The following TMX3 variants were observed in gnomAD, a reference collection of about 807,000 sequenced individuals.
The protein encoded by TMX3 is protein disulfide-isomerase TMX3.
A neutral mutation model predicts 64.4 loss-of-function variants in TMX3; 40 were observed. The ratio of observed to expected loss-of-function variants is 0.62; its 90% CI spans 0.48 to 0.81. The LOEUF (loss-of-function observed/expected upper bound fraction) is 0.81, where lower values mean the gene tolerates loss of function less well. Among genes scored for constraint, TMX3 ranks in the 30% least tolerant of loss-of-function variants. The probability of loss-of-function intolerance (pLI) is 0.00; values close to 1 mark genes in which losing one functional copy is unlikely to be tolerated. For missense variants in TMX3, 497 were observed against 534.5 expected, an observed-to-expected ratio of 0.93 and a Z score of 0.69; for synonymous variants, 189 against 175.7, an observed-to-expected ratio of 1.08 and a Z score of -0.60.
chr18:68,699,503 T>C (rs916350940), intron 6 of TMX3, among the ~76,000 whole-genome samples: 2 of 152,150 alleles, frequency 1.3e-5, no homozygotes. Flanking sequence ...CTTTAATATA[T>C]AAAGATCACT....
In TMX3 at chr18:68,691,538, G is replaced by C. The variant is rs548432205; in HGVS notation, c.571-177C>G. 7.2e-5 allele frequency among the ~76,000 whole-genome samples: 11 copies of C among 152,268 alleles called. No homozygotes were observed. In the South Asian group the frequency reaches 2.3e-3, roughly 32 times the overall value. ...CCAAACTCATCCAAGAAGTATATCTGAATCTTTTTATATATCCCCTTGTAC... is the reference window on the plus strand; with the variant it reads ...CCAAACTCATCCAAGAAGTATATCTCAATCTTTTTATATATCCCCTTGTAC... On this transcript the variant is annotated intron_variant, in intron 8 of 15. Coordinates refer to ENST00000299608, the MANE Select transcript of TMX3 (RefSeq NM_019022.5).
rs1599299429 is a variant in TMX3 at position 68,682,992 on chromosome 18, C to A, written c.849-11G>T. 3 of 1,607,788 alleles carry A rather than the reference C, an allele frequency of 1.9e-6. No homozygotes were observed. Among genetic ancestry groups the A allele is most frequent in the Non-Finnish European group, 2.6e-6 (3 of 1,176,366 alleles). On this transcript the variant is annotated splice_polypyrimidine_tract_variant and intron_variant, in intron 12 of 15. Transcript: ENST00000299608. ...CCAAACTGAAAATCCCTAACCACCA[C>A]CAACCAAAAATAAATAAATAAAAGG...
intron 4 of TMX3, among the ~76,000 whole-genome samples, chr18:68,709,146 T>C (rs1393233162): frequency 6.6e-6 from 1 of 152,112 alleles, no homozygotes; most frequent in African/African-American, 2.4e-5. Context: ...TAATTAAGTA[T>C]TTATCAATAT....
chr18:68,709,580 T>TA (rs1484191059), intron 4 of TMX3, among the ~76,000 whole-genome samples: 2 of 152,156 alleles, frequency 1.3e-5, no homozygotes, highest in Non-Finnish European at 2.9e-5. Flanking sequence ...CACACTCTAT[T>TA]ATTTTGCTCT....
intron 6 of TMX3, among the ~76,000 whole-genome samples, chr18:68,699,064 T>C (rs1403332033): frequency 6.6e-6 from 1 of 152,048 alleles, no homozygotes; most frequent in Non-Finnish European, 1.5e-5. Context: ...AGTCATCTTT[T>C]ACATATGGTG....
chr18:68,702,915 G>A (rs1273509048), intron 4 of TMX3, among the ~76,000 whole-genome samples: 1 of 152,156 alleles, frequency 6.6e-6, no homozygotes, highest in East Asian at 1.9e-4. Flanking sequence ...TAAATAGAGG[G>A]ACCTGGACAG....
intron 8 of TMX3, among the ~76,000 whole-genome samples, chr18:68,693,706 C>T (rs981492353): frequency 3.3e-5 from 5 of 152,042 alleles, no homozygotes; most frequent in Non-Finnish European, 5.9e-5. Flanking sequence ...ATGATGATGA[C>T]GGCGGGAGTC....
At chr18:68,704,587 AACTC>A (rs2030477679) in intron 4 of TMX3, among the ~76,000 whole-genome samples, 2 of 152,188 alleles carry the variant, frequency 1.3e-5, no homozygotes, top group African/African-American at 4.8e-5. Flanking sequence ...CTGAGATTGA[AACTC>A]AGTCTAATTG....
intron 13 of TMX3, chr18:68,681,651 G>A (rs1204080962): frequency 3.0e-6 from 3 of 984,650 alleles, no homozygotes; most frequent in East Asian, 2.3e-4. Flanking sequence ...TCCCTTCCTC[G>A]CTCAGTGTTC....
chr18:68,679,553 A>G (rs1198775197), intron 14 of TMX3, 22 bp from the exon 15 acceptor site: 1 of 1,601,486 alleles, frequency 6.2e-7, no homozygotes, highest in Non-Finnish European at 8.5e-7. Flanking sequence ...GAAAAGAAAA[A>G]TAAATTATTT....
chr18:68,682,057 C>T (rs926524374), intron 13 of TMX3, among the ~76,000 whole-genome samples: 16 of 152,070 alleles, frequency 1.1e-4, no homozygotes, highest in East Asian at 1.9e-4. Flanking sequence ...GTGCAGGTGG[C>T]GGGGTGGGGA....
At chr18:68,710,905 T>C (rs2031206533) in intron 3 of TMX3, among the ~76,000 whole-genome samples, 2 of 152,200 alleles carry the variant, frequency 1.3e-5, no homozygotes, top group African/African-American at 4.8e-5. Flanking sequence ...ATCTCAACTA[T>C]CATAAGGTTT....
chr18:68,708,210 C>T (rs1237582269), intron 4 of TMX3, among the ~76,000 whole-genome samples: 1 of 151,936 alleles, frequency 6.6e-6, no homozygotes, highest in African/African-American at 2.4e-5. Context: ...ATTATTCTCC[C>T]TCTCTAACAA....
At chr18:68,693,709 C>T (rs567023891) in intron 8 of TMX3, among the ~76,000 whole-genome samples, 19 of 152,056 alleles carry the variant, frequency 1.2e-4, no homozygotes, top group African/African-American at 4.3e-4. Context: ...ATGATGACGG[C>T]GGGAGTCAGA....
In TMX3 at chr18:68,714,963, A is replaced by G. The variant is rs117138050; in HGVS notation, c.19T>C (p.Trp7Arg). 2.8e-3 allele frequency: 4,412 copies of G among 1,574,208 alleles called. 156 individuals carry two copies. The East Asian group carries it at 0.081, about 29-fold the overall frequency. Residue 7 changes from tryptophan (W) to arginine (R), a missense_variant, in exon 1 of 16, where the codon TGG becomes CGG. Coordinates refer to ENST00000299608, the MANE Select transcript of TMX3 (RefSeq NM_019022.5). MAAWKS[W>R]TALRLCATVV... ...GTGGCGCAGAGCCGCAGGGCCGTCC[A>G]ACTCTTCCACGCTGCCATGCTAGCC...
In TMX3 at chr18:68,681,290, T is replaced by TA; in HGVS notation, c.906-181dup. 5.1e-6 allele frequency: 3 copies of TA among 590,046 alleles called. No individual in the cohort carries two copies. The East Asian group carries it at 1.2e-4, about 24-fold the overall frequency. 36.6% of individuals were successfully genotyped at this position (590,046 alleles called of 1,614,324 possible). A position where few individuals can be genotyped will look rare whatever the true frequency, so the allele number is the denominator to read the frequency against. ...ACGTGTATTTTATGCATTCATGACA[T>TA]ACCTTTTTAATTTGTTTGATATTTC... On this transcript the variant is annotated intron_variant, in intron 13 of 15. Coordinates refer to ENST00000299608, the MANE Select transcript of TMX3 (RefSeq NM_019022.5).
At chr18:68,686,884 A>G (rs1914015276) in intron 10 of TMX3, 1 of 985,246 alleles carries the variant, frequency 1.0e-6, no homozygotes, top group Admixed American at 6.2e-5. Context: ...AAACGTTACA[A>G]ACAGGAGAAC....
intron 2 of TMX3, among the ~76,000 whole-genome samples, chr18:68,712,274 C>T (rs563083245): frequency 6.6e-6 from 1 of 152,192 alleles, no homozygotes; most frequent in Non-Finnish European, 1.5e-5. Flanking sequence ...CATGTTCTAT[C>T]TGCTGAGAAT....
At chr18:68,694,195 G>A (rs1416930792) in intron 8 of TMX3, among the ~76,000 whole-genome samples, 2 of 152,176 alleles carry the variant, frequency 1.3e-5, no homozygotes, top group Non-Finnish European at 2.9e-5. Context: ...CATGTTGCAG[G>A]TGACAAGAAG....
Sources: allele counts gnomAD v4.1 joint callset (sites outside exome capture counted in the v4.1 genomes callset), GRCh38; gene constraint gnomAD v4.1.1; transcripts MANE v1.5; gene names NCBI Gene and HGNC (gene_info 2026-07-23, HGNC 2026-07-21).